The following RAB11FIP3 variants were observed in gnomAD, a reference collection of about 807,000 sequenced individuals.
RAB11FIP3 encodes the protein RAB11 family interacting protein 3.
RAB11FIP3 carries 17 observed loss-of-function variants against 77.8 expected under a neutral mutation model. The observed-to-expected ratio is 0.22, with a 90% CI of 0.15 to 0.33. The LOEUF is 0.33. RAB11FIP3 is among the 10% of genes least tolerant of loss of function. The pLI is 1.00. For synonymous variants in RAB11FIP3, 437 were observed against 448.2 expected (o/e 0.98, Z 0.31); for missense variants, 1,005 against 1,011.2 (o/e 0.99, Z 0.08).
chr16:429,338 T>C (rs1425823177), intron 1 of RAB11FIP3, among the ~76,000 whole-genome samples: 1 of 152,096 alleles, frequency 6.6e-6, no homozygotes, highest in African/African-American at 2.4e-5. Context: ...TTAATGATTT[T>C]TTTAAAAACG....
intron 2 of RAB11FIP3, among the ~76,000 whole-genome samples, chr16:468,414 C>T (rs1041230631): frequency 6.6e-6 from 1 of 151,714 alleles, no homozygotes; most frequent in South Asian, 2.1e-4. Flanking sequence ...ATTTATGTTT[C>T]GTTCGGAAGG....
intron 4 of RAB11FIP3, among the ~76,000 whole-genome samples, chr16:486,771 T>C (rs915455463): frequency 1.3e-5 from 2 of 152,166 alleles, no homozygotes; most frequent in African/African-American, 4.8e-5. Context: ...TGAGGGGTGC[T>C]GAGCCCCTCG....
In RAB11FIP3 at chr16:509,952, C is replaced by T. The variant is rs535334052; in HGVS notation, c.1500-708C>T. On this transcript the variant is annotated intron_variant, in intron 8 of 13. Coordinates refer to ENST00000262305, the MANE Select transcript of RAB11FIP3 (RefSeq NM_014700.4). ...ACTCAGTTCTCTGGTGTTCAGCTGC[C>T]GCGGACCACGTGCTCATCAGACACT... 9.1e-4 allele frequency among the ~76,000 whole-genome samples: 138 copies of T among 152,370 alleles called. 1 individual carries two copies. Among genetic ancestry groups the T allele is most frequent in the Non-Finnish European group, 2.1e-4 (14 of 68,034 alleles).
At chr16:490,421 G>T (rs12917788) in intron 5 of RAB11FIP3, among the ~76,000 whole-genome samples, 61,424 of 152,044 alleles carry the variant, frequency 0.4, 13,927 homozygotes, top group Middle Eastern at 0.54. Context: ...GGCTGGAGTG[G>T]TGCAATCATG....
intron 1 of RAB11FIP3, among the ~76,000 whole-genome samples, chr16:455,956 A>G (rs1411444093): frequency 2.0e-5 from 3 of 152,188 alleles, no homozygotes; most frequent in Admixed American, 1.3e-4. Context: ...TTTCATTTCT[A>G]AGAGTACTTC....
intron 1 of RAB11FIP3, chr16:439,462 A>C (rs188777126): frequency 4.3e-4 from 65 of 152,362 alleles, no homozygotes; most frequent in African/African-American, 1.5e-3. Flanking sequence ...TGTTTATCAT[A>C]AGTTTCAAAA....
At position 445,353 on chromosome 16, in the gene RAB11FIP3, C is replaced by T. The variant is rs574982445; in HGVS notation, c.715-16051C>T. ...ACTTGGGAGGCTGAGGCACGAGAATCGCTTGAACCCAGGAGGCGGAGTTTA... is the reference window on the plus strand; with the variant it reads ...ACTTGGGAGGCTGAGGCACGAGAATTGCTTGAACCCAGGAGGCGGAGTTTA... On this transcript the variant is annotated intron_variant, in intron 1 of 13. Transcript: ENST00000262305. Among the ~76,000 whole-genome samples, 11 of 149,716 alleles carry T rather than the reference C, an allele frequency of 7.3e-5. No homozygotes were observed. In the East Asian group the frequency reaches 1.6e-3, roughly 22 times the overall value.
intron 9 of RAB11FIP3, among the ~76,000 whole-genome samples, chr16:512,304 G>T (rs376864394): frequency 1.3e-5 from 2 of 151,922 alleles, no homozygotes; most frequent in Non-Finnish European, 1.5e-5. Flanking sequence ...GCAGTGGCGC[G>T]ATCTCGGCTC....
intron 9 of RAB11FIP3, among the ~76,000 whole-genome samples, chr16:511,774 A>C (rs1487330408): frequency 1.9e-5 from 2 of 105,396 alleles, no homozygotes; most frequent in African/African-American, 8.9e-5. Flanking sequence ...GCCAGGCAGG[A>C]GAGGTTCCTG....
intron 6 of RAB11FIP3, among the ~76,000 whole-genome samples, chr16:500,158 C>T (rs190263088): frequency 3.0e-4 from 45 of 152,290 alleles, no homozygotes; most frequent in Middle Eastern, 3.4e-3. Flanking sequence ...CCGGGGGCTC[C>T]GGGCAGAGCC....
At chr16:428,702 A>G (rs1264388073) in intron 1 of RAB11FIP3, among the ~76,000 whole-genome samples, 1 of 152,066 alleles carries the variant, frequency 6.6e-6, no homozygotes, top group African/African-American at 2.4e-5. Context: ...CTCTTCTTAG[A>G]TGTGGTGGCT....
chr16:520,995 C>T lies in RAB11FIP3; in HGVS notation c.*156C>T, dbSNP rs550768799. 5.3e-5 allele frequency: 35 copies of T among 659,912 alleles called. 1 individual carries two copies. Among genetic ancestry groups the T allele is most frequent in the East Asian group, 1.6e-4 (6 of 36,778 alleles). 40.9% of individuals were successfully genotyped at this position (659,912 alleles called of 1,614,324 possible). On this transcript the variant is annotated 3_prime_UTR_variant, in exon 14 of 14. Transcript: ENST00000262305. ...CAGCTGAGCTGGGGCCGCCAAAGAC[C>T]GGGGCTGCCAAAGGGGCAGAGGGTG... is the stretch of plus-strand genomic sequence containing the variant.
rs1469282432 is a variant in RAB11FIP3 at position 505,545 on chromosome 16, G to A, written c.1417G>A (p.Val473Met). The change falls in exon 8 of 14, where the codon GTG becomes ATG. Residue 473 changes from valine (V) to methionine (M), a missense_variant. Physicochemically the swap from Val to Met is conservative, Grantham distance 21. Coordinates refer to ENST00000262305, the MANE Select transcript of RAB11FIP3 (RefSeq NM_014700.4). The surrounding 1 kb of genome is among the most constrained non-coding windows in gnomAD (Gnocchi z 4.0). ...ADKVVFLERR[V>M]LELEKDTAAT... ...CAAGGTTGTCTTCCTGGAAAGGCGT[G>A]TGCTGGAGCTGGAAAAGGACACGGC... The A allele has an allele frequency of 1.9e-6, 3 of 1,609,006 alleles. No individual in the cohort carries two copies. Among genetic ancestry groups the A allele is most frequent in the Non-Finnish European group, 1.7e-6 (2 of 1,179,664 alleles).
intron 5 of RAB11FIP3, chr16:491,278 C>T: frequency 7.7e-7 from 1 of 1,303,374 alleles, no homozygotes; most frequent in Non-Finnish European, 1.0e-6. Context: ...GGTAACTGAC[C>T]AGCGCCTGGC....
rs2055614431 is a variant in RAB11FIP3, at chr16:461,957, C to T, written c.808+460C>T. 3.9e-5 allele frequency among the ~76,000 whole-genome samples: 6 copies of T among 152,226 alleles called. No individual in the cohort carries two copies. In the South Asian group the frequency reaches 1.2e-3, roughly 32 times the overall value. ...ATGCTTCCGCGCACACCGCCCTGAA[C>T]ACTGCAGCCCGTACCACCATCGTTC... On this transcript the variant is annotated intron_variant, in intron 2 of 13. Coordinates refer to ENST00000262305, the MANE Select transcript of RAB11FIP3 (RefSeq NM_014700.4). The surrounding 1 kb of genome is among the most constrained non-coding windows in gnomAD (Gnocchi z 4.5).
intron 2 of RAB11FIP3, among the ~76,000 whole-genome samples, chr16:467,700 G>A (rs1379076753): frequency 2.5e-5 from 2 of 81,118 alleles, no homozygotes; most frequent in East Asian, 3.3e-4. Context: ...AGGTGCAGGG[G>A]CGTCAGGGAG....
At chr16:440,555 C>T (rs956048197) in intron 1 of RAB11FIP3, among the ~76,000 whole-genome samples, 1 of 152,232 alleles carries the variant, frequency 6.6e-6, no homozygotes, top group African/African-American at 2.4e-5. Flanking sequence ...CAGCTGGCAT[C>T]TTAATTTCCT....
At position 430,436 on chromosome 16, in the gene RAB11FIP3, C is replaced by T. The variant is rs975642729; in HGVS notation, c.714+3716C>T. ...AACCTTGGTAGGCATTGTCTGTCTT[C>T]AGTACTTGCAGAAATAGGCTGCCGA... On this transcript the variant is annotated intron_variant, in intron 1 of 13. Transcript: ENST00000262305. 4.6e-5 allele frequency among the ~76,000 whole-genome samples: 7 copies of T among 152,258 alleles called. No homozygotes were observed. In the East Asian group the frequency reaches 1.4e-3, roughly 29 times the overall value.
Position 480,286 on chromosome 16 carries a change from C to CA in RAB11FIP3, c.904-2219dup, listed in dbSNP as rs56228402. On this transcript the variant is annotated intron_variant, in intron 3 of 13. Transcript: ENST00000262305. ...GGCAGGAAGAGTAAAACTCCTTCTC[C>CA]AAAAAAAAAAAAAAAAAAAAGTTGA... Among the ~76,000 whole-genome samples the CA allele has an allele frequency of 3.4e-3, 269 of 79,966 alleles. 2 individuals are homozygous for CA. Among genetic ancestry groups the CA allele is most frequent in the Middle Eastern group, 8.2e-3 (1 of 122 alleles). 52.5% of individuals were successfully genotyped at this position (79,966 alleles called of 152,430 possible). A position where few individuals can be genotyped will look rare whatever the true frequency, so the allele number is the denominator to read the frequency against.
Sources: allele counts gnomAD v4.1 joint callset (sites outside exome capture counted in the v4.1 genomes callset), GRCh38; gene constraint gnomAD v4.1.1; non-coding constraint Gnocchi (gnomAD v3.1); transcripts MANE v1.5; gene names NCBI Gene and HGNC (gene_info 2026-07-23, HGNC 2026-07-21).